CHRM5: variants seen among roughly 807,000 people sequenced by gnomAD.
CHRM5 encodes cholinergic receptor muscarinic 5.
CHRM5 carries 18 observed loss-of-function variants against 39.0 expected under a neutral mutation model. The observed-to-expected ratio is 0.46, with a 90% CI of 0.32 to 0.68. The LOEUF (loss-of-function observed/expected upper bound fraction) is 0.68, where lower values mean the gene tolerates loss of function less well. Among genes scored for constraint, CHRM5 ranks in the 30% least tolerant of loss-of-function variants. The pLI is 0.04. For synonymous variants in CHRM5, 241 were observed against 246.3 expected, an observed-to-expected ratio of 0.98 and a Z score of 0.20; for missense variants, 515 against 651.1, an observed-to-expected ratio of 0.79 and a Z score of 2.28.
At chr15:34,030,620 G>A (rs746588481) in intron 1 of CHRM5, among the ~76,000 whole-genome samples, 5 of 150,488 alleles carry the variant, frequency 3.3e-5, no homozygotes, top group African/African-American at 7.3e-5. Context: ...GAGCCACCAC[G>A]CCCAGCCTGG....
chr15:34,011,018 G>A (rs1448559753), intron 1 of CHRM5, among the ~76,000 whole-genome samples: 1 of 152,118 alleles, frequency 6.6e-6, no homozygotes, highest in Non-Finnish European at 1.5e-5. Context: ...TTCAATGACA[G>A]TTTTCGATAT....
chr15:34,063,848 G>A lies in CHRM5; in HGVS notation c.1131G>A (p.Val377=). ...ATAGACCCAAGAGTCAGAAATGTGT[G>A]GCCTATAAGTTCCGATTGGTGGTAA... The part of the protein sequence containing the change: ...AAHRPKSQKC[V]AYKFRLVVKA... Residue 377 remains valine (V), a synonymous_variant, in exon 3 of 3, where the codon GTG becomes GTA. Coordinates refer to ENST00000383263, the MANE Select transcript of CHRM5 (RefSeq NM_012125.4). The surrounding 1 kb of genome is among the most constrained non-coding windows in gnomAD (Gnocchi z 4.1). 1 of 1,614,176 alleles carries A rather than the reference G, an allele frequency of 6.2e-7. No individual in the cohort carries two copies. The highest frequency in any genetic ancestry group is 1.3e-5 in the African/African-American group (1 of 75,026).
intron 1 of CHRM5, among the ~76,000 whole-genome samples, chr15:34,014,382 A>C (rs1897779971): frequency 4.0e-5 from 1 of 24,876 alleles, no homozygotes; most frequent in South Asian, 1.8e-3. Flanking sequence ...AAAAAAAAAA[A>C]AACAAAAACA....
intron 1 of CHRM5, among the ~76,000 whole-genome samples, chr15:34,040,242 G>T (rs1899412278): frequency 6.6e-6 from 1 of 152,128 alleles, no homozygotes; most frequent in Admixed American, 6.5e-5. Flanking sequence ...CGTGTGAATA[G>T]ATGATTACAG....
At chr15:34,018,798 G>A (rs563346218) in intron 1 of CHRM5, among the ~76,000 whole-genome samples, 1 of 152,326 alleles carries the variant, frequency 6.6e-6, no homozygotes, top group South Asian at 2.1e-4. Flanking sequence ...GTGCTGATTG[G>A]TGCATTTACA....
At chr15:33,990,228 A>C (rs1169904688) in intron 1 of CHRM5, among the ~76,000 whole-genome samples, 1 of 148,382 alleles carries the variant, frequency 6.7e-6, no homozygotes, top group Non-Finnish European at 1.5e-5. Context: ...CAAAACAAAA[A>C]AAACTTAGCC....
At chr15:34,009,687 C>A (rs1897553448) in intron 1 of CHRM5, among the ~76,000 whole-genome samples, 1 of 152,014 alleles carries the variant, frequency 6.6e-6, no homozygotes, top group South Asian at 2.1e-4. Context: ...AAAGGTCAAT[C>A]AAAAAGATAT....
Position 34,021,841 on chromosome 15 carries a change from G to A in CHRM5, c.-407-24699G>A, listed in dbSNP as rs536091207. Among the ~76,000 whole-genome samples, 8 of 152,008 alleles carry A rather than the reference G, an allele frequency of 5.3e-5. No homozygotes were observed. In the East Asian group the frequency reaches 1.6e-3, roughly 30 times the overall value. ...CTGCACTCCAGCCTGGGTGGACAGC[G>A]CAAGACTCCATCTCAAAAATAAAAA... On this transcript the variant is annotated intron_variant, in intron 1 of 2. Coordinates refer to ENST00000383263, the MANE Select transcript of CHRM5 (RefSeq NM_012125.4).
chr15:33,982,544 A>G lies in CHRM5; in HGVS notation c.-408+13394A>G, dbSNP rs544498595. ...GTCAAATTCAATTTGATTGACTGCT[A>G]TTAACTCAGCACTGCCAAATCTTGA... On this transcript the variant is annotated intron_variant, in intron 1 of 2. Transcript: ENST00000383263. Among the ~76,000 whole-genome samples the G allele has an allele frequency of 2.6e-5, 4 of 152,370 alleles. No individual in the cohort carries two copies. The East Asian group carries it at 5.8e-4, about 22-fold the overall frequency.
intron 1 of CHRM5, among the ~76,000 whole-genome samples, chr15:34,011,103 G>A (rs1200456349): frequency 6.6e-6 from 1 of 152,002 alleles, no homozygotes; most frequent in Non-Finnish European, 1.5e-5. Context: ...TAGGCAAGAG[G>A]ATTACTTGAG....
intron 1 of CHRM5, among the ~76,000 whole-genome samples, chr15:34,033,366 T>C (rs1244338336): frequency 2.0e-5 from 3 of 151,904 alleles, no homozygotes; most frequent in African/African-American, 7.2e-5. Context: ...ATTAGCCGGG[T>C]GTGGCGGTGT....
intron 1 of CHRM5, among the ~76,000 whole-genome samples, chr15:34,017,454 G>C (rs1237230800): frequency 6.7e-6 from 1 of 148,464 alleles, no homozygotes; most frequent in Non-Finnish European, 1.5e-5. Flanking sequence ...AATTAACCAA[G>C]ATAAGTGATT....
chr15:33,998,319 C>T (rs1218733633), intron 1 of CHRM5, among the ~76,000 whole-genome samples: 1 of 152,024 alleles, frequency 6.6e-6, no homozygotes, highest in Non-Finnish European at 1.5e-5. Flanking sequence ...GTTATTTCTC[C>T]CACCTTTAAA....
Position 33,995,106 on chromosome 15 carries a change from T to G in CHRM5, c.-408+25956T>G, listed in dbSNP as rs544022981. 1.7e-4 allele frequency among the ~76,000 whole-genome samples: 26 copies of G among 151,926 alleles called. No individual in the cohort carries two copies. In the South Asian group the frequency reaches 5.2e-3, roughly 30 times the overall value. On this transcript the variant is annotated intron_variant, in intron 1 of 2. Coordinates refer to ENST00000383263, the MANE Select transcript of CHRM5 (RefSeq NM_012125.4). Reference sequence around the variant, plus strand: ...GCAAGGTCCTGTCTCTACAAAAAAATGAAGAAATCAGCCAGGTGTGGGTGG... The same window carrying G: ...GCAAGGTCCTGTCTCTACAAAAAAAGGAAGAAATCAGCCAGGTGTGGGTGG...
chr15:34,028,976 T>C (rs1898631224), intron 1 of CHRM5, among the ~76,000 whole-genome samples: 1 of 152,206 alleles, frequency 6.6e-6, no homozygotes, highest in Admixed American at 6.5e-5. Context: ...TCTTAGTTAT[T>C]CATTTGTCTA....
rs565873907 is a variant in CHRM5 at position 34,061,260 on chromosome 15, T to A, written c.-75-1383T>A. On this transcript the variant is annotated intron_variant, in intron 2 of 2. Transcript: ENST00000383263. ...TGAAATCTTTATCATGTACATAGAT[T>A]TTTTAATCTACAAAGGGAAAATTTC... is the stretch of plus-strand genomic sequence containing the variant. Among the ~76,000 whole-genome samples, 58 of 152,236 alleles carry A rather than the reference T, an allele frequency of 3.8e-4. 1 individual carries two copies. The South Asian group carries it at 0.012, about 32-fold the overall frequency.
chr15:33,978,969 TA>T (rs563614866), intron 1 of CHRM5, among the ~76,000 whole-genome samples: 1 of 151,858 alleles, frequency 6.6e-6, no homozygotes, highest in Admixed American at 6.6e-5. Context: ...ACAAGATAAA[TA>T]AAAAAACAGA....
chr15:33,974,380 T>C (rs1567442418), intron 1 of CHRM5, among the ~76,000 whole-genome samples: 1 of 152,222 alleles, frequency 6.6e-6, no homozygotes, highest in Non-Finnish European at 1.5e-5. Flanking sequence ...TCTTTGCAAG[T>C]TACCTATGTT....
At chr15:34,015,591 C>A (rs953189204) in intron 1 of CHRM5, among the ~76,000 whole-genome samples, 2 of 152,060 alleles carry the variant, frequency 1.3e-5, no homozygotes, top group African/African-American at 4.8e-5. Flanking sequence ...CTAAAAATTC[C>A]ACCCTCGGTC....
Sources: allele counts gnomAD v4.1 joint callset (sites outside exome capture counted in the v4.1 genomes callset), GRCh38; gene constraint gnomAD v4.1.1; non-coding constraint Gnocchi (gnomAD v3.1); transcripts MANE v1.5; gene names NCBI Gene and HGNC (gene_info 2026-07-23, HGNC 2026-07-21).